WDR7: variants seen among roughly 807,000 people sequenced by gnomAD.
WDR7 encodes WD repeat-containing protein 7.
WDR7 carries 46 observed loss-of-function variants against 169.4 expected under a neutral mutation model. That is an observed-to-expected ratio of 0.27 (90% CI 0.21 to 0.35). The LOEUF is 0.35. Ranked by LOEUF, WDR7 falls within the 10% of genes least tolerant of loss-of-function variation. The pLI is 1.00. For synonymous variants in WDR7, 612 were observed against 666.8 expected, an observed-to-expected ratio of 0.92 and a Z score of 1.27; for missense variants, 1,534 against 1,859.3, an observed-to-expected ratio of 0.83 and a Z score of 3.22.
chr18:57,007,134 A>G (rs545764500), intron 26 of WDR7, among the ~76,000 whole-genome samples: 4 of 151,816 alleles, frequency 2.6e-5, no homozygotes. Flanking sequence ...CGCCCGCCAC[A>G]ACACCCAGCT....
chr18:56,997,287 A>T (rs913514922), intron 26 of WDR7, among the ~76,000 whole-genome samples: 3 of 152,234 alleles, frequency 2.0e-5, no homozygotes, highest in African/African-American at 7.2e-5. Flanking sequence ...AAAAAAATAA[A>T]TGTTTATCAC....
At chr18:56,750,142 CTT>C (rs1452857836) in intron 14 of WDR7, among the ~76,000 whole-genome samples, 1 of 152,080 alleles carries the variant, frequency 6.6e-6, no homozygotes, top group Non-Finnish European at 1.5e-5. Context: ...ACCTGCTACT[CTT>C]AACCTGTAAT....
intron 26 of WDR7, among the ~76,000 whole-genome samples, chr18:57,014,846 A>ATT (rs35031273): frequency 3.4e-5 from 5 of 147,220 alleles, no homozygotes; most frequent in African/African-American, 1.2e-4. Flanking sequence ...AGTCACTGGG[A>ATT]TTTTTTTTTT....
intron 20 of WDR7, among the ~76,000 whole-genome samples, chr18:56,819,525 G>C (rs1356794958): frequency 6.6e-6 from 1 of 152,026 alleles, no homozygotes; most frequent in Non-Finnish European, 1.5e-5. Context: ...TTAACCATAG[G>C]TTTTAAATTA....
At chr18:56,948,327 T>G (rs1298908762) in intron 25 of WDR7, among the ~76,000 whole-genome samples, 1 of 152,172 alleles carries the variant, frequency 6.6e-6, no homozygotes. Context: ...TTTTATTGTT[T>G]TAAGTTAAGG....
chr18:57,000,301 G>C (rs547933733), intron 26 of WDR7, among the ~76,000 whole-genome samples: 1 of 152,140 alleles, frequency 6.6e-6, no homozygotes, highest in African/African-American at 2.4e-5. Context: ...AAGGCTTAAT[G>C]AATCGTATTC....
At chr18:56,824,738 C>T (rs541259585) in intron 20 of WDR7, among the ~76,000 whole-genome samples, 4 of 152,288 alleles carry the variant, frequency 2.6e-5, no homozygotes, top group East Asian at 1.9e-4. Context: ...CATCTAAGAA[C>T]ATAATTAGCT....
At chr18:56,922,610 G>A (rs1396944311) in intron 21 of WDR7, among the ~76,000 whole-genome samples, 4 of 152,028 alleles carry the variant, frequency 2.6e-5, no homozygotes, top group Admixed American at 6.6e-5. Flanking sequence ...ATCCATGGCC[G>A]CCTTGACATT....
intron 21 of WDR7, among the ~76,000 whole-genome samples, chr18:56,922,435 T>G (rs1163774910): frequency 6.6e-6 from 1 of 152,160 alleles, no homozygotes; most frequent in Admixed American, 6.5e-5. Flanking sequence ...GAAAAATGTG[T>G]GTTACCTTTT....
chr18:56,926,234 C>G (rs1410765932), intron 22 of WDR7, among the ~76,000 whole-genome samples: 1 of 152,154 alleles, frequency 6.6e-6, no homozygotes, highest in African/African-American at 2.4e-5. Flanking sequence ...GGCAGCTGGC[C>G]TTTGCATGAA....
intron 21 of WDR7, among the ~76,000 whole-genome samples, chr18:56,919,176 T>C (rs983676597): frequency 2.6e-5 from 4 of 152,158 alleles, no homozygotes; most frequent in African/African-American, 9.7e-5. Flanking sequence ...ACTGGCAATA[T>C]GTACAGCTGA....
chr18:56,801,635 A>G (rs181702457), intron 19 of WDR7, among the ~76,000 whole-genome samples: 1 of 152,310 alleles, frequency 6.6e-6, no homozygotes, highest in East Asian at 1.9e-4. Context: ...AATCCCTGGC[A>G]ATCACTCATC....
intron 25 of WDR7, among the ~76,000 whole-genome samples, chr18:56,947,478 A>T (rs2047121450): frequency 6.6e-6 from 1 of 152,244 alleles, no homozygotes; most frequent in Non-Finnish European, 1.5e-5. Flanking sequence ...GACGCCAAGA[A>T]AGTAGAACTG....
In WDR7 at chr18:56,962,517, T is replaced by C. The variant is rs372775769; in HGVS notation, c.4152T>C (p.Thr1384=). ...HGSVALYDIR[T]GKCQTIHGHK... ...CAGTGGCCCTGTACGACATCCGGAC[T>C]GGAAAATGTCAGGTAAATAAATCAT... The change falls in exon 26 of 28, where the codon ACT becomes ACC. Residue 1384 remains threonine, a synonymous_variant. Coordinates refer to ENST00000254442, the MANE Select transcript of WDR7 (RefSeq NM_015285.3). 1 of 1,612,710 alleles carries C rather than the reference T, an allele frequency of 6.2e-7. No homozygotes were observed. Among genetic ancestry groups the C allele is most frequent in the Non-Finnish European group, 8.5e-7 (1 of 1,179,190 alleles).
intron 20 of WDR7, among the ~76,000 whole-genome samples, chr18:56,841,217 C>T (rs1225145926): frequency 6.6e-6 from 1 of 150,376 alleles, no homozygotes; most frequent in Admixed American, 6.6e-5. Flanking sequence ...TATAAAATAA[C>T]ATAGAAAAGT....
intron 20 of WDR7, among the ~76,000 whole-genome samples, chr18:56,875,521 C>G (rs2046010683): frequency 2.0e-5 from 3 of 152,190 alleles, no homozygotes; most frequent in African/African-American, 7.2e-5. Context: ...TGCATATGAC[C>G]TACAGAATCA....
At position 56,679,313 on chromosome 18, in the gene WDR7, C is replaced by T; in HGVS notation, c.160-19C>T. 6.3e-7 allele frequency: 1 copy of T among 1,587,052 alleles called. No individual in the cohort carries two copies. Among genetic ancestry groups the T allele is most frequent in the Non-Finnish European group, 8.6e-7 (1 of 1,157,654 alleles). ...TTTTTAAGTTTGGTACTTAAACTAGCATATTTTTGCATTTCTAGATTAATC... is the reference window on the plus strand; with the variant it reads ...TTTTTAAGTTTGGTACTTAAACTAGTATATTTTTGCATTTCTAGATTAATC... On this transcript the variant is annotated intron_variant, in intron 2 of 27. Coordinates refer to ENST00000254442, the MANE Select transcript of WDR7 (RefSeq NM_015285.3).
chr18:56,734,177 T>G (rs1282437188), intron 14 of WDR7, among the ~76,000 whole-genome samples: 1 of 152,168 alleles, frequency 6.6e-6, no homozygotes, highest in Admixed American at 6.5e-5. Context: ...TGAGTGAAGT[T>G]GTGTAGATAT....
intron 21 of WDR7, among the ~76,000 whole-genome samples, chr18:56,904,643 G>T (rs924750320): frequency 2.0e-5 from 3 of 152,120 alleles, no homozygotes; most frequent in African/African-American, 7.2e-5. Flanking sequence ...CCAAGATAAA[G>T]AATGCACTTT....
Sources: gnomAD v4.1 joint callset for allele counts (sites outside exome capture counted in the v4.1 genomes callset) on GRCh38, gnomAD v4.1.1 for gene constraint, MANE v1.5 for transcripts, NCBI Gene and HGNC (gene_info 2026-07-23, HGNC 2026-07-21) for gene names.